Variants in GNG12 observed in about 807,000 individuals in gnomAD.
GNG12 encodes the protein guanine nucleotide-binding protein G(I)/G(S)/G(O) subunit gamma-12.
For missense variants in GNG12, 69 were observed against 83.8 expected (o/e 0.82, Z 0.69); for synonymous variants, 28 against 29.7 (o/e 0.94, Z 0.19).
intron 2 of GNG12, among the ~76,000 whole-genome samples, chr1:67,744,983 T>A (rs1357529657): frequency 6.6e-6 from 1 of 152,240 alleles, no homozygotes; most frequent in Non-Finnish European, 1.5e-5. Flanking sequence ...GCAAGTCGCT[T>A]ATTTTCTCTG....
At chr1:67,714,231 G>A (rs911102403) in intron 2 of GNG12, among the ~76,000 whole-genome samples, 37 of 152,210 alleles carry the variant, frequency 2.4e-4, no homozygotes, top group African/African-American at 8.9e-4. Context: ...AGCAGCAGCT[G>A]CCCCTTCAAG....
chr1:67,811,450 C>A (rs879527730), intron 1 of GNG12, among the ~76,000 whole-genome samples: 1 of 152,116 alleles, frequency 6.6e-6, no homozygotes, highest in African/African-American at 2.4e-5. Flanking sequence ...ACAAGGCAAA[C>A]CCTGCTGCGG....
At chr1:67,710,136 AGT>A (rs1427827048) in intron 2 of GNG12, among the ~76,000 whole-genome samples, 4 of 14,444 alleles carry the variant, frequency 2.8e-4, no homozygotes, top group Non-Finnish European at 4.3e-4. Context: ...TTATATATAT[AGT>A]TATATATATA....
At chr1:67,744,958 G>A (rs541780423) in intron 2 of GNG12, among the ~76,000 whole-genome samples, 16 of 152,266 alleles carry the variant, frequency 1.1e-4, no homozygotes, top group African/African-American at 3.9e-4. Flanking sequence ...CCACCTACTT[G>A]CTATATGACT....
At chr1:67,825,362 T>C (rs1280240272) in intron 1 of GNG12, among the ~76,000 whole-genome samples, 1 of 152,218 alleles carries the variant, frequency 6.6e-6, no homozygotes, top group African/African-American at 2.4e-5. Context: ...GCAGATGGCC[T>C]AGGTCCGAAG....
At chr1:67,723,715 G>A (rs1217176724) in intron 2 of GNG12, among the ~76,000 whole-genome samples, 9 of 152,292 alleles carry the variant, frequency 5.9e-5, no homozygotes, top group Admixed American at 1.3e-4. Flanking sequence ...CTTAGAACAC[G>A]GCCAAGGTCA....
chr1:67,802,409 T>C (rs775339129), intron 1 of GNG12, among the ~76,000 whole-genome samples: 7 of 152,154 alleles, frequency 4.6e-5, no homozygotes, highest in Admixed American at 6.5e-5. Context: ...CAGGCACATA[T>C]TGGCTCTACA....
At chr1:67,805,722 A>G (rs1322559422) in intron 1 of GNG12, among the ~76,000 whole-genome samples, 2 of 152,084 alleles carry the variant, frequency 1.3e-5, no homozygotes, top group Non-Finnish European at 2.9e-5. Flanking sequence ...GGACAGAAGA[A>G]ACAGAAGCAC....
chr1:67,735,527 T>TC (rs1221038345), intron 2 of GNG12, among the ~76,000 whole-genome samples: 2 of 152,262 alleles, frequency 1.3e-5, no homozygotes, highest in East Asian at 3.9e-4. Context: ...AAAATGGGAG[T>TC]GGCAACAGTC....
At chr1:67,784,677 G>A (rs897902013) in intron 1 of GNG12, among the ~76,000 whole-genome samples, 1 of 152,064 alleles carries the variant, frequency 6.6e-6, no homozygotes, top group Non-Finnish European at 1.5e-5. Context: ...GTTTGAATAA[G>A]TTCTTTATAG....
intron 2 of GNG12, among the ~76,000 whole-genome samples, chr1:67,714,243 A>G (rs1041015491): frequency 3.9e-5 from 6 of 152,198 alleles, no homozygotes; most frequent in African/African-American, 1.2e-4. Flanking sequence ...CCCTTCAAGC[A>G]TTTGCTGGTA....
chr1:67,793,220 A>C (rs955880620), intron 1 of GNG12, among the ~76,000 whole-genome samples: 4 of 152,206 alleles, frequency 2.6e-5, no homozygotes, highest in African/African-American at 7.2e-5. Flanking sequence ...GACTCATTTG[A>C]GAAATAAGTC....
chr1:67,715,843 G>T (rs1020292718), intron 2 of GNG12, among the ~76,000 whole-genome samples: 2 of 152,208 alleles, frequency 1.3e-5, no homozygotes, highest in Admixed American at 1.3e-4. Flanking sequence ...TTTGTAAACT[G>T]CAAATAACTT....
chr1:67,729,960 A>C (rs1417201825), intron 2 of GNG12, among the ~76,000 whole-genome samples: 1 of 152,220 alleles, frequency 6.6e-6, no homozygotes, highest in East Asian at 1.9e-4. Context: ...TGACTTAGGT[A>C]TTGCCATTCT....
At chr1:67,717,608 C>T (rs1352708040) in intron 2 of GNG12, among the ~76,000 whole-genome samples, 3 of 152,058 alleles carry the variant, frequency 2.0e-5, no homozygotes, top group African/African-American at 7.2e-5. Flanking sequence ...TTACCTTAAC[C>T]TACAGGATTA....
intron 2 of GNG12, among the ~76,000 whole-genome samples, chr1:67,776,892 GA>G (rs1557613903): frequency 6.6e-5 from 10 of 152,158 alleles, no homozygotes. Flanking sequence ...CAATATTAGG[GA>G]GTGATGCTAT....
At chr1:67,816,003 C>T (rs1404778399) in intron 1 of GNG12, among the ~76,000 whole-genome samples, 1 of 152,098 alleles carries the variant, frequency 6.6e-6, no homozygotes, top group Non-Finnish European at 1.5e-5. Context: ...TGGGTGCGGC[C>T]GGGGCTCCAT....
In GNG12 at chr1:67,701,977, G is replaced by C. The variant is rs1646218196; in HGVS notation, c.*3474C>G. ...GGGGTCTTTGGACCAAGGCATCTGG[G>C]AACAGGAAGGGCTCTCAGCCATCAT... On this transcript the variant is annotated 3_prime_UTR_variant, in exon 4 of 4. Transcript: ENST00000370982. 1 of 152,624 alleles carries C rather than the reference G, an allele frequency of 6.6e-6. No homozygotes were observed. Among genetic ancestry groups the C allele is most frequent in the Non-Finnish European group, 1.5e-5 (1 of 68,038 alleles). The allele number at this position is 152,624 out of a possible 1,614,324, so 9.5% of individuals were successfully genotyped here.
chr1:67,763,090 G>GGAGAGAGA (rs71064962), intron 2 of GNG12, among the ~76,000 whole-genome samples: 3,210 of 116,756 alleles, frequency 0.027, 79 homozygotes, highest in African/African-American at 0.045. Context: ...TACCCTCCCA[G>GGAGAGAGA]GAGAGAGAGA....
Sources: gnomAD v4.1 joint callset for allele counts (sites outside exome capture counted in the v4.1 genomes callset) on GRCh38, gnomAD v4.1.1 for gene constraint, MANE v1.5 for transcripts, NCBI Gene and HGNC (gene_info 2026-07-23, HGNC 2026-07-21) for gene names.